B3GAT2: variants seen among roughly 807,000 people sequenced by gnomAD.
The protein encoded by B3GAT2 is beta-1,3-glucuronyltransferase 2, also known as galactosylgalactosylxylosylprotein 3-beta-glucuronosyltransferase 2.
In B3GAT2, 26 loss-of-function variants were observed where a neutral mutation model predicts 27.8. The ratio of observed to expected loss-of-function variants is 0.93; its 90% confidence interval spans 0.68 to 1.30. The LOEUF is 1.30. Among genes scored for constraint, B3GAT2 ranks in the 50% most tolerant of loss-of-function variants. B3GAT2 has a pLI of 0.00. For synonymous variants in B3GAT2, 218 were observed against 195.1 expected (o/e 1.12, Z -0.98); for missense variants, 458 against 459.0 (o/e 1.00, Z 0.02).
At chr6:70,881,106 G>A (rs1023155201) in intron 2 of B3GAT2, among the ~76,000 whole-genome samples, 1 of 152,022 alleles carries the variant, frequency 6.6e-6, no homozygotes, top group African/African-American at 2.4e-5. Flanking sequence ...AGAATTCCTG[G>A]AGGATTCTTC....
In B3GAT2 at chr6:70,890,028, T is replaced by G. The variant is rs144406074; in HGVS notation, c.736+4100A>C. 4.4e-3 allele frequency among the ~76,000 whole-genome samples: 676 copies of G among 152,202 alleles called. 6 individuals carry two copies. Among genetic ancestry groups the G allele is most frequent in the African/African-American group, 0.016 (653 of 41,546 alleles). On this transcript the variant is annotated intron_variant, in intron 2 of 3. Transcript: ENST00000230053. ...AACTCCTGACCTCAGGTGATTCACC[T>G]GCCTCAGCCTCCCAAAGTGCCGAGA...
chr6:70,919,677 T>C (rs1772833280), intron 1 of B3GAT2, among the ~76,000 whole-genome samples: 1 of 152,152 alleles, frequency 6.6e-6, no homozygotes, highest in African/African-American at 2.4e-5. Flanking sequence ...TCTGTTGGAG[T>C]TTGCTGGAGT....
chr6:70,877,301 A>G (rs140255417), intron 2 of B3GAT2, among the ~76,000 whole-genome samples: 2 of 152,194 alleles, frequency 1.3e-5, no homozygotes, highest in East Asian at 3.9e-4. Flanking sequence ...AGGAGCTTAC[A>G]TCAGAACCTG....
chr6:70,884,981 T>C (rs1295585137), intron 2 of B3GAT2, among the ~76,000 whole-genome samples: 1 of 152,218 alleles, frequency 6.6e-6, no homozygotes. Flanking sequence ...ACAACCTGCA[T>C]GCCAAAGAGA....
chr6:70,887,051 A>G (rs1165751772), intron 2 of B3GAT2, among the ~76,000 whole-genome samples: 1 of 152,244 alleles, frequency 6.6e-6, no homozygotes, highest in African/African-American at 2.4e-5. Flanking sequence ...CAGTAACTTT[A>G]TAGTTCTCAT....
chr6:70,874,862 G>A (rs1037652317), intron 2 of B3GAT2, among the ~76,000 whole-genome samples: 3 of 152,080 alleles, frequency 2.0e-5, no homozygotes, highest in Non-Finnish European at 4.4e-5. Context: ...TGCCCTTCTA[G>A]TAACTGCTAT....
rs115595101 is a variant in B3GAT2 at position 70,941,333 on chromosome 6, T to G, written c.591+14506A>C. On this transcript the variant is annotated intron_variant, in intron 1 of 3. Coordinates refer to ENST00000230053, the MANE Select transcript of B3GAT2 (RefSeq NM_080742.3). ...GAACAAGGCAAAAAGAACTAATATT[T>G]ATTACTTGCCTAGAGCACTTAAAAC... 4.8e-3 allele frequency among the ~76,000 whole-genome samples: 726 copies of G among 152,294 alleles called. 4 individuals carry two copies. Among genetic ancestry groups the G allele is most frequent in the African/African-American group, 0.016 (674 of 41,570 alleles).
At position 70,859,270 on chromosome 6, in the gene B3GAT2, AGCTCAGGTTAAGGT is replaced by A. The variant is rs1375728086; in HGVS notation, c.*2379_*2392del. 1.6e-6 allele frequency: 2 copies of A among 1,247,798 alleles called. No homozygotes were observed. The highest frequency in any genetic ancestry group is 2.2e-6 in the Non-Finnish European group (2 of 900,008). 77.3% of individuals were successfully genotyped at this position (1,247,798 alleles called of 1,614,324 possible). A position where few individuals can be genotyped will look rare whatever the true frequency, so the allele number is the denominator to read the frequency against. On this transcript the variant is annotated 3_prime_UTR_variant, in exon 4 of 4. Coordinates refer to ENST00000230053, the MANE Select transcript of B3GAT2 (RefSeq NM_080742.3). The stretch of plus-strand genomic sequence containing the variant: ...ATGGTCAACATGCTGAAGCACACCC[AGCTCAGGTTAAGGT>A]GCTAGATGAACCAGGAAGGAGTTAA...
In B3GAT2 at chr6:70,957,028, TTG is replaced by T; in HGVS notation, c.-601_-600del. The T allele has an allele frequency of 1.0e-6, 1 of 990,342 alleles. No individual in the cohort carries two copies. Among genetic ancestry groups the T allele is most frequent in the Non-Finnish European group, 1.2e-6 (1 of 833,668 alleles). The allele number at this position is 990,342 out of a possible 1,614,324, so 61.3% of individuals were successfully genotyped here. Reference sequence around the variant, plus strand: ...GAAGCCTGCTCTCAGTCCCTTGCTCTTGTCTTCTCAGAACCTCTCCGGATCCA... The same window carrying T: ...GAAGCCTGCTCTCAGTCCCTTGCTCTTCTTCTCAGAACCTCTCCGGATCCA... On this transcript the variant is annotated 5_prime_UTR_variant, in exon 1 of 4. Coordinates refer to ENST00000230053, the MANE Select transcript of B3GAT2 (RefSeq NM_080742.3).
At chr6:70,901,019 G>A (rs1173695894) in intron 1 of B3GAT2, among the ~76,000 whole-genome samples, 1 of 152,134 alleles carries the variant, frequency 6.6e-6, no homozygotes, top group Non-Finnish European at 1.5e-5. Flanking sequence ...AAAGGGCAGT[G>A]CAAATATGAT....
intron 1 of B3GAT2, among the ~76,000 whole-genome samples, chr6:70,937,449 A>G (rs1765310398): frequency 6.6e-6 from 1 of 152,124 alleles, no homozygotes; most frequent in Admixed American, 6.5e-5. Flanking sequence ...GACACAGCCA[A>G]AAAAGAGAAT....
chr6:70,889,439 C>T (rs112905638), intron 2 of B3GAT2, among the ~76,000 whole-genome samples: 8 of 152,014 alleles, frequency 5.3e-5, no homozygotes, highest in African/African-American at 1.7e-4. Flanking sequence ...TCCACCCACT[C>T]GCCACAAAAG....
chr6:70,930,994 C>T lies in B3GAT2; in HGVS notation c.591+24845G>A, dbSNP rs188326645. On this transcript the variant is annotated intron_variant, in intron 1 of 3. Coordinates refer to ENST00000230053, the MANE Select transcript of B3GAT2 (RefSeq NM_080742.3). ...TGTGGCACATATGCACCATGGAATA[C>T]TATGCAGCCATAAAAAAGAGTGAGT... Among the ~76,000 whole-genome samples, 811 of 152,258 alleles carry T rather than the reference C, an allele frequency of 5.3e-3. 5 individuals are homozygous for T. The highest frequency in any genetic ancestry group is 0.026 in the South Asian group (124 of 4,824).
At position 70,860,233 on chromosome 6, in the gene B3GAT2, A is replaced by G. The variant is rs768243326; in HGVS notation, c.*1430T>C. 5.1e-5 allele frequency: 82 copies of G among 1,613,222 alleles called. No homozygotes were observed. The South Asian group carries it at 5.9e-4, about 12-fold the overall frequency. ...GCAGATGGCTGGCATGAGTATCAGTAGTGCAACCCCTACTGCAGGTTTTGG... is the reference window on the plus strand; with the variant it reads ...GCAGATGGCTGGCATGAGTATCAGTGGTGCAACCCCTACTGCAGGTTTTGG... On this transcript the variant is annotated 3_prime_UTR_variant, in exon 4 of 4. Transcript: ENST00000230053.
chr6:70,925,715 G>C (rs112646648), intron 1 of B3GAT2, among the ~76,000 whole-genome samples: 5 of 152,222 alleles, frequency 3.3e-5, no homozygotes, highest in African/African-American at 1.2e-4. Context: ...CTCCACTTCT[G>C]GGGGCAGGGC....
chr6:70,880,573 G>A (rs539809202), intron 2 of B3GAT2, among the ~76,000 whole-genome samples: 80 of 150,168 alleles, frequency 5.3e-4, no homozygotes, highest in African/African-American at 1.9e-3. Context: ...CTATAGCCTC[G>A]AATCCCCTGG....
At position 70,956,469 on chromosome 6, in the gene B3GAT2, G is replaced by C; in HGVS notation, c.-40C>G. On this transcript the variant is annotated 5_prime_UTR_variant, in exon 1 of 4. Transcript: ENST00000230053. The stretch of plus-strand genomic sequence containing the variant: ...GGCCTCTCGGACACCCCAGAGAGGG[G>C]CGAGCCGAGGGACCCCAGTGCGCAG... 6.5e-7 allele frequency: 1 copy of C among 1,549,298 alleles called. No individual in the cohort carries two copies. The highest frequency in any genetic ancestry group is 2.4e-5 in the East Asian group (1 of 40,906).
chr6:70,886,117 T>C (rs1218886131), intron 2 of B3GAT2, among the ~76,000 whole-genome samples: 2 of 152,216 alleles, frequency 1.3e-5, no homozygotes, highest in African/African-American at 4.8e-5. Flanking sequence ...TTCCCTGTTC[T>C]GCAGATGAAG....
rs539265805 is a variant in B3GAT2, at chr6:70,885,941, T to G, written c.736+8187A>C. ...ACCTGCATGGACCTCACCACTGTGA[T>G]AATCAAACAAAACACTGACCTAATT... On this transcript the variant is annotated intron_variant, in intron 2 of 3. Transcript: ENST00000230053. 6.4e-4 allele frequency among the ~76,000 whole-genome samples: 98 copies of G among 152,296 alleles called. 2 individuals are homozygous for G. The South Asian group carries it at 0.018, about 28-fold the overall frequency.
Sources: gnomAD v4.1 joint callset for allele counts (sites outside exome capture counted in the v4.1 genomes callset) on GRCh38, gnomAD v4.1.1 for gene constraint, MANE v1.5 for transcripts, NCBI Gene and HGNC (gene_info 2026-07-23, HGNC 2026-07-21) for gene names.